Variants in PDE1C observed in about 807,000 individuals in gnomAD.
The protein encoded by PDE1C is phosphodiesterase 1C, also known as dual specificity calcium/calmodulin-dependent 3',5'-cyclic nucleotide phosphodiesterase 1C.
PDE1C carries 62 observed loss-of-function variants against 93.1 expected under a neutral mutation model. The observed-to-expected ratio is 0.67, with a 90% CI of 0.54 to 0.82. The LOEUF is 0.82. Among genes scored for constraint, PDE1C ranks in the 40% least tolerant of loss-of-function variants. The pLI is 0.00. For synonymous variants in PDE1C, 325 were observed against 310.1 expected (o/e 1.05, Z -0.50); for missense variants, 742 against 884.6 (o/e 0.84, Z 2.04).
At chr7:31,667,311 C>T in the PDE1C span, among the ~76,000 whole-genome samples, 1 of 152,134 alleles carries the variant, frequency 6.6e-6, no homozygotes, top group South Asian at 2.1e-4. Context: ...TAGGAGGACT[C>T]CACCCTGTGG....
At chr7:31,650,631 C>G in the PDE1C span, among the ~76,000 whole-genome samples, 9 of 152,114 alleles carry the variant, frequency 5.9e-5, no homozygotes, top group Non-Finnish European at 1.2e-4. Context: ...CCTGCAGATT[C>G]CAACCTCCAG....
rs369052011 is a variant in PDE1C, at chr7:32,206,051, T to C, written c.136+3438A>G. Among the ~76,000 whole-genome samples the C allele has an allele frequency of 5.9e-5, 9 of 152,254 alleles. 2 individuals are homozygous for C. Among genetic ancestry groups the C allele is most frequent in the East Asian group, 1.9e-4 (1 of 5,170 alleles). On this transcript the variant is annotated intron_variant, in intron 2 of 18. Coordinates refer to the PDE1C transcript ENST00000396193. ...GCAGTACTGTTCTAGGATCAAGGTGTGGAAAATGTGTTTTTAGAGGGGTAA... is the reference window on the plus strand; with the variant it reads ...GCAGTACTGTTCTAGGATCAAGGTGCGGAAAATGTGTTTTTAGAGGGGTAA...
intron 2 of PDE1C, chr7:31,893,596 G>A: frequency 1.6e-6 from 1 of 627,162 alleles, no homozygotes; most frequent in Non-Finnish European, 2.0e-6. Context: ...TTAAAAATAT[G>A]AGCTTGATAT....
the PDE1C span, among the ~76,000 whole-genome samples, chr7:31,679,947 C>T: frequency 2.0e-5 from 3 of 152,066 alleles, no homozygotes; most frequent in East Asian, 1.9e-4. Flanking sequence ...AGAAAGCAAG[C>T]GAGGGAAGAG....
At chr7:31,925,389 G>A (rs941638763) in intron 2 of PDE1C, among the ~76,000 whole-genome samples, 13 of 152,218 alleles carry the variant, frequency 8.5e-5, no homozygotes, top group African/African-American at 2.9e-4. Flanking sequence ...CACTAGGGAA[G>A]ACAGTGGTTC....
rs529543785 is a variant in PDE1C at position 31,970,006 on chromosome 7, T to C, written c.128+81548A>G. On this transcript the variant is annotated intron_variant, in intron 2 of 17. Transcript: ENST00000396191. ...GGGGACTGTTGTGGGGTTGGGGGAG[T>C]GGGGAGGGATAGCATTAGGAGATAT... Among the ~76,000 whole-genome samples, 7 of 149,364 alleles carry C rather than the reference T, an allele frequency of 4.7e-5. No homozygotes were observed. In the East Asian group the frequency reaches 9.9e-4, roughly 21 times the overall value.
rs575853057 is a variant in PDE1C, at chr7:32,367,392, AGAGT to A, written c.310+60426_310+60429del. Among the ~76,000 whole-genome samples the A allele has an allele frequency of 1.2e-4, 19 of 152,352 alleles. No homozygotes were observed. The East Asian group carries it at 3.3e-3, about 26-fold the overall frequency. On this transcript the variant is annotated intron_variant, in intron 1 of 1. Coordinates refer to the PDE1C transcript ENST00000672256. ...CATGAAAAGAGCAAATAAAATGATG[AGAGT>A]AAGTTCTCACCTATCAATAATAACC...
the PDE1C span, among the ~76,000 whole-genome samples, chr7:31,640,986 T>G: frequency 6.6e-6 from 1 of 152,186 alleles, no homozygotes; most frequent in Admixed American, 6.5e-5. Context: ...CATTACTTTC[T>G]CTTGACTTTG....
At chr7:31,776,833 TGTTAGGTTACTTCC>T (rs1783014677) in intron 16 of PDE1C, among the ~76,000 whole-genome samples, 2 of 151,580 alleles carry the variant, frequency 1.3e-5, no homozygotes, top group South Asian at 4.2e-4. Flanking sequence ...CATGAGTCAG[TGTTAGGTTACTTCC>T]GTTAGGAGTC....
chr7:32,188,733 C>A (rs891587788), intron 2 of PDE1C, among the ~76,000 whole-genome samples: 1 of 152,014 alleles, frequency 6.6e-6, no homozygotes, highest in Non-Finnish European at 1.5e-5. Context: ...TATTTTCTTT[C>A]CCTAGTTCTT....
intron 2 of PDE1C, among the ~76,000 whole-genome samples, chr7:31,913,571 A>C (rs1430428787): frequency 6.6e-6 from 1 of 152,166 alleles, no homozygotes; most frequent in African/African-American, 2.4e-5. Context: ...AAAAACTTAG[A>C]AACAGCAGAC....
chr7:32,252,126 A>G (rs781081299), intron 1 of PDE1C, among the ~76,000 whole-genome samples: 44 of 152,228 alleles, frequency 2.9e-4, no homozygotes, highest in Admixed American at 4.6e-4. Flanking sequence ...AAGATCACTT[A>G]TGTCTCCTCC....
chr7:32,186,102 T>TG (rs58864223), intron 2 of PDE1C, among the ~76,000 whole-genome samples: 1 of 147,782 alleles, frequency 6.8e-6, no homozygotes, highest in African/African-American at 2.5e-5. Flanking sequence ...TTTTTTTTTT[T>TG]TTTTTTTTTT....
chr7:32,050,177 T>G (rs1240485778), intron 2 of PDE1C, among the ~76,000 whole-genome samples: 1 of 152,226 alleles, frequency 6.6e-6, no homozygotes, highest in Admixed American at 6.5e-5. Context: ...AGCACCATTA[T>G]AATCTTATGG....
chr7:32,198,587 C>A (rs1804779607), intron 2 of PDE1C, among the ~76,000 whole-genome samples: 1 of 152,132 alleles, frequency 6.6e-6, no homozygotes, highest in African/African-American at 2.4e-5. Context: ...TCCAAGATGG[C>A]AGCTAGAGTG....
chr7:31,670,675 A>G, the PDE1C span, among the ~76,000 whole-genome samples: 1 of 152,200 alleles, frequency 6.6e-6, no homozygotes, highest in African/African-American at 2.4e-5. Context: ...GACAGGAGGC[A>G]GGCAAATTCT....
chr7:31,713,614 G>A, the PDE1C span, among the ~76,000 whole-genome samples: 1 of 152,186 alleles, frequency 6.6e-6, no homozygotes, highest in South Asian at 2.1e-4. Context: ...ACCCTAGCAG[G>A]GGTTCTCCAT....
chr7:32,281,576 C>A (rs540291305), intron 1 of PDE1C, among the ~76,000 whole-genome samples: 1 of 152,088 alleles, frequency 6.6e-6, no homozygotes, highest in East Asian at 1.9e-4. Context: ...TGAGACCTTG[C>A]CTATAACAAA....
At chr7:31,888,718 C>G (rs1234703354) in intron 2 of PDE1C, among the ~76,000 whole-genome samples, 1 of 151,950 alleles carries the variant, frequency 6.6e-6, no homozygotes, top group Non-Finnish European at 1.5e-5. Context: ...AGAATTGTAT[C>G]AGAGTAATTG....
Sources: gnomAD v4.1 joint callset for allele counts (sites outside exome capture counted in the v4.1 genomes callset) on GRCh38, gnomAD v4.1.1 for gene constraint, MANE v1.5 for transcripts, NCBI Gene and HGNC (gene_info 2026-07-23, HGNC 2026-07-21) for gene names.